Variants in RANBP2 observed in about 807,000 individuals in gnomAD.
The protein encoded by RANBP2 is E3 SUMO-protein ligase RanBP2.
Under a neutral mutation model 303.6 loss-of-function variants are expected in RANBP2, and 57 were observed. That is an observed-to-expected ratio of 0.19 (90% CI 0.15 to 0.23). The LOEUF is 0.23. Among genes scored for constraint, RANBP2 ranks in the 10% least tolerant of loss-of-function variants. The pLI, the probability that RANBP2 is intolerant of heterozygous loss-of-function variation, is 1.00. For synonymous variants in RANBP2, 1,167 were observed against 1,301.5 expected (o/e 0.90, Z 2.23); for missense variants, 3,138 against 3,780.8 (o/e 0.83, Z 4.46).
At chr2:109,602,211 A>G in the RANBP2 span, among the ~76,000 whole-genome samples, 1 of 152,240 alleles carries the variant, frequency 6.6e-6, no homozygotes, top group East Asian at 1.9e-4. Context: ...TTATGACTAT[A>G]ACTTGGAACA....
At chr2:109,062,141 G>A in the RANBP2 span, among the ~76,000 whole-genome samples, 19,965 of 152,104 alleles carry the variant, frequency 0.13, 1,411 homozygotes, top group Non-Finnish European at 0.16. Context: ...GACAAGCAAA[G>A]CCTTTCACTT....
the RANBP2 span, among the ~76,000 whole-genome samples, chr2:109,435,112 C>G: frequency 6.6e-6 from 1 of 152,178 alleles, no homozygotes. Context: ...AATCTAGCCC[C>G]GGTAACTGCA....
At chr2:109,109,007 G>A in the RANBP2 span, among the ~76,000 whole-genome samples, 2 of 152,216 alleles carry the variant, frequency 1.3e-5, no homozygotes, top group Admixed American at 1.3e-4. Context: ...CTCACTGTAT[G>A]CTTTCACTTT....
the RANBP2 span, among the ~76,000 whole-genome samples, chr2:109,036,117 A>G: frequency 3.0e-4 from 45 of 152,346 alleles, 1 homozygote; most frequent in East Asian, 8.3e-3. Flanking sequence ...TTGCCAACCT[A>G]GAAGAAATGT....
chr2:109,255,004 A>G, the RANBP2 span, among the ~76,000 whole-genome samples: 167 of 152,236 alleles, frequency 1.1e-3, 1 homozygote, highest in African/African-American at 3.7e-3. Context: ...CCATTAGATC[A>G]TTTGTATCTG....
chr2:108,869,697 A>T, the RANBP2 span, among the ~76,000 whole-genome samples: 3 of 152,126 alleles, frequency 2.0e-5, no homozygotes, highest in Non-Finnish European at 1.5e-5. Flanking sequence ...AGAAAAAAAG[A>T]AAAAAACAGC....
chr2:109,426,775 A>G, the RANBP2 span, among the ~76,000 whole-genome samples: 1 of 152,176 alleles, frequency 6.6e-6, no homozygotes, highest in Non-Finnish European at 1.5e-5. Flanking sequence ...ATCTATCATG[A>G]AAGAAAGAGT....
the RANBP2 span, among the ~76,000 whole-genome samples, chr2:109,254,322 A>G: frequency 1.3e-5 from 2 of 152,126 alleles, no homozygotes; most frequent in Non-Finnish European, 2.9e-5. Context: ...TCAGTGCCAT[A>G]ATTTTCTACC....
chr2:109,347,933 G>A, the RANBP2 span: 3 of 1,605,628 alleles, frequency 1.9e-6, no homozygotes, highest in South Asian at 1.1e-5. Flanking sequence ...GACAAGGACT[G>A]TCTGACCTTC....
At chr2:109,341,592 TAAG>T in the RANBP2 span, among the ~76,000 whole-genome samples, 1 of 152,228 alleles carries the variant, frequency 6.6e-6, no homozygotes, top group African/African-American at 2.4e-5. Context: ...TTGGCTCAGA[TAAG>T]ATCAAGTTTC....
At chr2:109,291,928 A>G in the RANBP2 span, among the ~76,000 whole-genome samples, 1 of 152,212 alleles carries the variant, frequency 6.6e-6, no homozygotes, top group Non-Finnish European at 1.5e-5. Flanking sequence ...CAGTGGCACA[A>G]TCTCGGCTCA....
the RANBP2 span, among the ~76,000 whole-genome samples, chr2:109,273,844 A>C: frequency 2.0e-5 from 3 of 152,110 alleles, no homozygotes; most frequent in Non-Finnish European, 2.9e-5. Context: ...GATTGCTTAT[A>C]AAGGGGTTGC....
the RANBP2 span, among the ~76,000 whole-genome samples, chr2:109,609,720 G>T: frequency 6.6e-6 from 1 of 151,792 alleles, no homozygotes; most frequent in African/African-American, 2.4e-5. Context: ...TATCCTCACT[G>T]AAGAAAAACT....
chr2:109,340,659 A>G, the RANBP2 span, among the ~76,000 whole-genome samples: 53 of 152,288 alleles, frequency 3.5e-4, no homozygotes, highest in South Asian at 1.5e-3. Flanking sequence ...CAAGTAGTCA[A>G]TGATCATTGT....
At chr2:109,347,065 C>T in the RANBP2 span, among the ~76,000 whole-genome samples, 2 of 152,130 alleles carry the variant, frequency 1.3e-5, no homozygotes, top group South Asian at 2.1e-4. Flanking sequence ...ACGCTCAGCA[C>T]GACGGATGCC....
the RANBP2 span, among the ~76,000 whole-genome samples, chr2:109,418,544 C>A: frequency 6.6e-6 from 1 of 152,158 alleles, no homozygotes; most frequent in Non-Finnish European, 1.5e-5. Context: ...CTCACATGGG[C>A]TTCCTTCCCC....
the RANBP2 span, among the ~76,000 whole-genome samples, chr2:109,493,936 C>T: frequency 6.6e-6 from 1 of 152,212 alleles, no homozygotes; most frequent in Non-Finnish European, 1.5e-5. Flanking sequence ...CTCATCCTCT[C>T]CTAAGGAGTC....
At chr2:109,682,077 A>G in the RANBP2 span, among the ~76,000 whole-genome samples, 2 of 152,212 alleles carry the variant, frequency 1.3e-5, no homozygotes, top group Admixed American at 6.5e-5. Flanking sequence ...AGGAAACAGT[A>G]CTCTCATGCA....
chr2:109,406,754 G>A, the RANBP2 span, among the ~76,000 whole-genome samples: 3 of 152,148 alleles, frequency 2.0e-5, no homozygotes, highest in Non-Finnish European at 2.9e-5. Flanking sequence ...CTGACTCCTG[G>A]TGTAGAATGT....
Sources: gnomAD v4.1 joint callset for allele counts (sites outside exome capture counted in the v4.1 genomes callset) on GRCh38, gnomAD v4.1.1 for gene constraint, MANE v1.5 for transcripts, NCBI Gene and HGNC (gene_info 2026-07-23, HGNC 2026-07-21) for gene names.